The following POFUT3 variants were observed in gnomAD, a reference collection of about 807,000 sequenced individuals.
POFUT3 encodes the protein protein O-fucosyltransferase 3, also known as GDP-fucose protein O-fucosyltransferase 3.
At chr8:33,369,694 T>C in the POFUT3 span, among the ~76,000 whole-genome samples, 1 of 152,162 alleles carries the variant, frequency 6.6e-6, no homozygotes, top group Non-Finnish European at 1.5e-5. Context: ...TTTATAGATA[T>C]TGAGCAGGTT....
the POFUT3 span, among the ~76,000 whole-genome samples, chr8:33,379,846 A>T: frequency 0.033 from 3,376 of 102,034 alleles, 136 homozygotes; most frequent in African/African-American, 0.095. Flanking sequence ...AAAAAAAAAA[A>T]ATATATATAT....
chr8:33,422,019 A>C, the POFUT3 span, among the ~76,000 whole-genome samples: 1 of 124,598 alleles, frequency 8.0e-6, no homozygotes, highest in Non-Finnish European at 1.6e-5. Flanking sequence ...AACCACACAG[A>C]AAACAAAAAC....
At chr8:33,382,790 C>T in the POFUT3 span, among the ~76,000 whole-genome samples, 4 of 152,256 alleles carry the variant, frequency 2.6e-5, no homozygotes, top group South Asian at 2.1e-4. Context: ...CAGGCATGAA[C>T]GAGGGTAAGA....
the POFUT3 span, among the ~76,000 whole-genome samples, chr8:33,364,992 C>T: frequency 6.6e-6 from 1 of 152,178 alleles, no homozygotes; most frequent in Non-Finnish European, 1.5e-5. Context: ...AGGCATCATG[C>T]TACCTGACTT....
At chr8:33,458,183 C>T in the POFUT3 span, among the ~76,000 whole-genome samples, 1 of 152,072 alleles carries the variant, frequency 6.6e-6, no homozygotes, top group Non-Finnish European at 1.5e-5. Context: ...AAACAGCCAT[C>T]TATAAGCCAA....
chr8:33,391,990 T>TC, the POFUT3 span, among the ~76,000 whole-genome samples: 4 of 152,248 alleles, frequency 2.6e-5, no homozygotes, highest in African/African-American at 9.6e-5. Flanking sequence ...TCAGGTGCAT[T>TC]CAGATGAATG....
At chr8:33,376,054 A>T in the POFUT3 span, among the ~76,000 whole-genome samples, 1 of 151,954 alleles carries the variant, frequency 6.6e-6, no homozygotes, top group African/African-American at 2.4e-5. Context: ...AAGAAACAGA[A>T]ACATTGGGTA....
chr8:33,372,810 G>A, the POFUT3 span: 2 of 1,611,532 alleles, frequency 1.2e-6, no homozygotes, highest in Admixed American at 1.7e-5. Flanking sequence ...AAGCCCTGCA[G>A]GAAGAGAAAA....
At chr8:33,375,680 C>T in the POFUT3 span, among the ~76,000 whole-genome samples, 24 of 152,044 alleles carry the variant, frequency 1.6e-4, no homozygotes, top group African/African-American at 5.8e-4. Context: ...TATTCAAACA[C>T]TGAATATAAA....
At chr8:33,366,153 A>C in the POFUT3 span, among the ~76,000 whole-genome samples, 1 of 152,200 alleles carries the variant, frequency 6.6e-6, no homozygotes, top group East Asian at 1.9e-4. Context: ...AAACTATCAC[A>C]AGGACAGAAA....
At chr8:33,350,391 G>T in the POFUT3 span, among the ~76,000 whole-genome samples, 1 of 152,096 alleles carries the variant, frequency 6.6e-6, no homozygotes, top group Non-Finnish European at 1.5e-5. Flanking sequence ...GAAACAGAGG[G>T]TGGTGTCCTT....
the POFUT3 span, among the ~76,000 whole-genome samples, chr8:33,407,059 A>G: frequency 2.6e-5 from 4 of 152,220 alleles, no homozygotes; most frequent in African/African-American, 9.6e-5. Flanking sequence ...CCCCCATGAT[A>G]CTTAGGAAAT....
chr8:33,445,881 A>G, the POFUT3 span, among the ~76,000 whole-genome samples: 1 of 152,236 alleles, frequency 6.6e-6, no homozygotes, highest in African/African-American at 2.4e-5. Flanking sequence ...TTCAAATGCC[A>G]GAAACCACCT....
chr8:33,449,739 G>T, the POFUT3 span, among the ~76,000 whole-genome samples: 2 of 151,776 alleles, frequency 1.3e-5, no homozygotes, highest in African/African-American at 4.8e-5. Context: ...CCCTTACCCA[G>T]AACTAAGCTA....
the POFUT3 span, among the ~76,000 whole-genome samples, chr8:33,427,866 C>T: frequency 6.6e-6 from 1 of 152,144 alleles, no homozygotes; most frequent in African/African-American, 2.4e-5. Flanking sequence ...GTGGCTTACA[C>T]CTGTAATCCC....
chr8:33,377,163 C>G, the POFUT3 span, among the ~76,000 whole-genome samples: 1 of 150,684 alleles, frequency 6.6e-6, no homozygotes, highest in Non-Finnish European at 1.5e-5. Flanking sequence ...AGCTGGGAGG[C>G]GGAGGTTGCA....
the POFUT3 span, among the ~76,000 whole-genome samples, chr8:33,344,514 A>G: frequency 1.3e-5 from 2 of 152,382 alleles, no homozygotes; most frequent in East Asian, 3.9e-4. Context: ...AAAGCTCTCC[A>G]TGGCCTTTTC....
At chr8:33,354,681 T>C in the POFUT3 span, among the ~76,000 whole-genome samples, 1 of 152,196 alleles carries the variant, frequency 6.6e-6, no homozygotes, top group Non-Finnish European at 1.5e-5. Context: ...GAGCATCCCT[T>C]AGCCCAGTCA....
At chr8:33,438,085 C>T in the POFUT3 span, among the ~76,000 whole-genome samples, 4 of 152,112 alleles carry the variant, frequency 2.6e-5, no homozygotes, top group Non-Finnish European at 2.9e-5. Flanking sequence ...AATTTACTGA[C>T]GTTTTTATAC....
Sources: gnomAD v4.1 joint callset for allele counts (sites outside exome capture counted in the v4.1 genomes callset) on GRCh38, gnomAD v4.1.1 for gene constraint, MANE v1.5 for transcripts, NCBI Gene and HGNC (gene_info 2026-07-23, HGNC 2026-07-21) for gene names.